Variants in MARCHF1 observed in about 807,000 individuals in gnomAD.
MARCHF1 encodes the protein membrane associated ring-CH-type finger 1, also known as E3 ubiquitin-protein ligase MARCHF1.
Under a neutral mutation model 54.2 loss-of-function variants are expected in MARCHF1, and 40 were observed. The ratio of observed to expected loss-of-function variants is 0.74; its 90% CI spans 0.57 to 0.96. MARCHF1 has a LOEUF of 0.96. Among genes scored for constraint, MARCHF1 ranks in the 40% least tolerant of loss-of-function variants. The pLI is 0.00. For missense variants in MARCHF1, 586 were observed against 656.5 expected, an observed-to-expected ratio of 0.89 and a Z score of 1.17; for synonymous variants, 236 against 236.3, an observed-to-expected ratio of 1.00 and a Z score of 0.01.
At chr4:164,239,949 T>A (rs1420208683) in intron 1 of MARCHF1, among the ~76,000 whole-genome samples, 1 of 152,210 alleles carries the variant, frequency 6.6e-6, no homozygotes, top group East Asian at 1.9e-4. Context: ...GATAAGTACA[T>A]GCTTAAGTAG....
chr4:164,060,529 C>T (rs1261801284), intron 2 of MARCHF1, among the ~76,000 whole-genome samples: 1 of 151,956 alleles, frequency 6.6e-6, no homozygotes, highest in Non-Finnish European at 1.5e-5. Context: ...GAAGTGTATA[C>T]AAGTATTTTA....
chr4:164,146,865 C>T (rs1729761494), intron 1 of MARCHF1, among the ~76,000 whole-genome samples: 1 of 151,000 alleles, frequency 6.6e-6, no homozygotes, highest in South Asian at 2.1e-4. Context: ...GCAAAAGAAA[C>T]TACCATCAGA....
At chr4:163,911,828 G>A (rs371915477) in intron 3 of MARCHF1, among the ~76,000 whole-genome samples, 67 of 152,242 alleles carry the variant, frequency 4.4e-4, no homozygotes, top group African/African-American at 1.5e-3. Flanking sequence ...CTATGCAAGG[G>A]GAGAGATTTC....
At chr4:163,958,805 C>T (rs1303572806) in intron 3 of MARCHF1, among the ~76,000 whole-genome samples, 1 of 151,832 alleles carries the variant, frequency 6.6e-6, no homozygotes, top group African/African-American at 2.4e-5. Flanking sequence ...CAAAATCTCA[C>T]ATTTGGGATG....
intron 3 of MARCHF1, among the ~76,000 whole-genome samples, chr4:163,934,425 G>A (rs957081564): frequency 6.6e-6 from 1 of 151,272 alleles, no homozygotes; most frequent in Non-Finnish European, 1.5e-5. Context: ...CAGGTGTGGT[G>A]GTATGCATCT....
At position 163,890,014 on chromosome 4, in the gene MARCHF1, G is replaced by A. The variant is rs534305487; in HGVS notation, c.-38-35845C>T. ...GTTTCGGCTCACTGCAAGCTCCGCC[G>A]CCCGGGTTCACACCATTCTCCTGTC... is the stretch of plus-strand genomic sequence containing the variant. On this transcript the variant is annotated intron_variant, in intron 3 of 9. Coordinates refer to ENST00000514618, the MANE Select transcript of MARCHF1 (RefSeq NM_001394959.1). 6.4e-4 allele frequency among the ~76,000 whole-genome samples: 88 copies of A among 138,480 alleles called. No individual in the cohort carries two copies. The Middle Eastern group carries it at 0.012, about 19-fold the overall frequency. The allele number at this position is 138,480 out of a possible 152,430, so 90.8% of individuals were successfully genotyped here.
At chr4:163,757,894 C>T (rs575314452) in intron 4 of MARCHF1, among the ~76,000 whole-genome samples, 1 of 152,216 alleles carries the variant, frequency 6.6e-6, no homozygotes, top group African/African-American at 2.4e-5. Flanking sequence ...TCACAGGGAG[C>T]TTGAGTCCAG....
chr4:164,015,209 C>T (rs1477728353), intron 2 of MARCHF1, among the ~76,000 whole-genome samples: 1 of 152,102 alleles, frequency 6.6e-6, no homozygotes, highest in African/African-American at 2.4e-5. Context: ...GGGTAAAGCA[C>T]AGTATCTCCA....
chr4:164,227,195 T>C (rs1255194615), intron 1 of MARCHF1, among the ~76,000 whole-genome samples: 1 of 152,072 alleles, frequency 6.6e-6, no homozygotes, highest in Non-Finnish European at 1.5e-5. Context: ...CTTAGGAAAC[T>C]TACAATCATG....
chr4:164,092,901 C>G (rs1755334254), intron 2 of MARCHF1, among the ~76,000 whole-genome samples: 1 of 152,062 alleles, frequency 6.6e-6, no homozygotes. Flanking sequence ...TATTCCACAT[C>G]CAACGGTAAG....
chr4:163,733,207 A>ACG (rs1451169238), intron 4 of MARCHF1, among the ~76,000 whole-genome samples: 671 of 19,226 alleles, frequency 0.035, 106 homozygotes, highest in African/African-American at 0.054. Flanking sequence ...ATATATATAT[A>ACG]TATATATATA....
intron 3 of MARCHF1, among the ~76,000 whole-genome samples, chr4:163,927,749 C>T (rs1049504759): frequency 6.6e-6 from 1 of 151,684 alleles, no homozygotes; most frequent in Non-Finnish European, 1.5e-5. Context: ...ATGTAAAATG[C>T]ACCCAGGGTT....
chr4:164,132,049 G>A (rs1756311580), intron 1 of MARCHF1, among the ~76,000 whole-genome samples: 1 of 152,008 alleles, frequency 6.6e-6, no homozygotes, highest in Non-Finnish European at 1.5e-5. Context: ...ACAGCCAATG[G>A]AACAACATAA....
intron 1 of MARCHF1, among the ~76,000 whole-genome samples, chr4:164,222,694 T>C (rs774897323): frequency 3.3e-5 from 5 of 152,024 alleles, no homozygotes; most frequent in Non-Finnish European, 5.9e-5. Context: ...TCTAAGACTA[T>C]TCAAAAACAG....
chr4:163,606,214 G>T (rs1741136667), intron 7 of MARCHF1, among the ~76,000 whole-genome samples: 1 of 151,978 alleles, frequency 6.6e-6, no homozygotes, highest in Non-Finnish European at 1.5e-5. Flanking sequence ...ACCATTAGTG[G>T]AATTCAATGT....
chr4:163,801,091 T>G (rs1748069519), intron 4 of MARCHF1, among the ~76,000 whole-genome samples: 1 of 152,078 alleles, frequency 6.6e-6, no homozygotes, highest in Non-Finnish European at 1.5e-5. Flanking sequence ...AACTTTATTC[T>G]TTCTTTTGGC....
At chr4:163,768,506 G>A (rs1006287602) in intron 4 of MARCHF1, among the ~76,000 whole-genome samples, 1 of 152,148 alleles carries the variant, frequency 6.6e-6, no homozygotes, top group African/African-American at 2.4e-5. Context: ...AAAAAGTTCT[G>A]TCAAACATGA....
At chr4:163,857,669 T>C (rs1008555287) in intron 3 of MARCHF1, among the ~76,000 whole-genome samples, 9 of 152,222 alleles carry the variant, frequency 5.9e-5, no homozygotes, top group African/African-American at 2.2e-4. Context: ...AGCAGCATAG[T>C]GCATTCTCTG....
At chr4:163,667,385 C>T (rs181237546) in intron 5 of MARCHF1, among the ~76,000 whole-genome samples, 16 of 151,854 alleles carry the variant, frequency 1.1e-4, no homozygotes, top group Non-Finnish European at 2.1e-4. Flanking sequence ...GTGATATCTT[C>T]GACAACAACA....
Sources: allele counts gnomAD v4.1 joint callset (sites outside exome capture counted in the v4.1 genomes callset), GRCh38; gene constraint gnomAD v4.1.1; transcripts MANE v1.5; gene names NCBI Gene and HGNC (gene_info 2026-07-23, HGNC 2026-07-21).